The following NIBAN1 variants were observed in gnomAD, a reference collection of about 807,000 sequenced individuals.
NIBAN1 encodes protein Niban 1.
Under a neutral mutation model 75.1 loss-of-function variants are expected in NIBAN1, and 81 were observed. The observed-to-expected ratio is 1.08, with a 90% CI of 0.90 to 1.30. NIBAN1 has a LOEUF of 1.30. Among genes scored for constraint, NIBAN1 ranks in the 50% most tolerant of loss-of-function variants. The probability of loss-of-function intolerance (pLI) is 0.00; values close to 1 mark genes in which losing one functional copy is unlikely to be tolerated. For synonymous variants in NIBAN1, 436 were observed against 424.8 expected, an observed-to-expected ratio of 1.03 and a Z score of -0.32; for missense variants, 1,133 against 1,128.1, an observed-to-expected ratio of 1.00 and a Z score of -0.06.
At chr1:184,922,055 C>A (rs1657568781) in intron 1 of NIBAN1, among the ~76,000 whole-genome samples, 1 of 152,132 alleles carries the variant, frequency 6.6e-6, no homozygotes, top group South Asian at 2.1e-4. Flanking sequence ...ACTCTCCCCA[C>A]AACTACACCC....
chr1:184,872,972 A>T (rs925368426), intron 5 of NIBAN1, among the ~76,000 whole-genome samples: 1 of 152,218 alleles, frequency 6.6e-6, no homozygotes, highest in Non-Finnish European at 1.5e-5. Context: ...TTAGAAAAAA[A>T]TAGGAAAGAA....
At chr1:184,828,231 C>T (rs1266959180) in intron 6 of NIBAN1, among the ~76,000 whole-genome samples, 1 of 152,076 alleles carries the variant, frequency 6.6e-6, no homozygotes, top group Non-Finnish European at 1.5e-5. Context: ...TGAGCACTTG[C>T]CTAAAATAAC....
chr1:184,960,214 C>A (rs1300118543), intron 1 of NIBAN1, among the ~76,000 whole-genome samples: 1 of 152,056 alleles, frequency 6.6e-6, no homozygotes, highest in Non-Finnish European at 1.5e-5. Context: ...TTGAAATGTA[C>A]TGTTTAAATT....
chr1:184,871,891 A>G (rs1656118139), intron 5 of NIBAN1, among the ~76,000 whole-genome samples: 1 of 152,194 alleles, frequency 6.6e-6, no homozygotes, highest in Non-Finnish European at 1.5e-5. Flanking sequence ...GGATGTCCCC[A>G]CAATCTTTAT....
intron 1 of NIBAN1, among the ~76,000 whole-genome samples, chr1:184,935,363 C>T (rs1347877294): frequency 1.3e-5 from 2 of 151,876 alleles, no homozygotes; most frequent in Admixed American, 1.3e-4. Context: ...AATAAAAAAG[C>T]TGGGCACAGT....
Position 184,791,490 on chromosome 1 carries a change from CTT to C in NIBAN1, c.*3485_*3486del, listed in dbSNP as rs35493382. On this transcript the variant is annotated 3_prime_UTR_variant, in exon 14 of 14. Coordinates refer to ENST00000367511, the MANE Select transcript of NIBAN1 (RefSeq NM_052966.4). The stretch of plus-strand genomic sequence containing the variant: ...ATCTTACCCTGGTAGTCTCCAAAAT[CTT>C]TTTTTTTTTTTTTTAAAGAAAGTTT... The C allele has an allele frequency of 3.7e-3, 520 of 141,606 alleles. No individual in the cohort carries two copies. Among genetic ancestry groups the C allele is most frequent in the African/African-American group, 6.7e-3 (260 of 38,582 alleles). 8.8% of individuals were successfully genotyped at this position (141,606 alleles called of 1,614,324 possible). A position where few individuals can be genotyped will look rare whatever the true frequency, so the allele number is the denominator to read the frequency against.
chr1:184,881,054 A>G (rs1656364616), intron 5 of NIBAN1, among the ~76,000 whole-genome samples: 1 of 152,162 alleles, frequency 6.6e-6, no homozygotes, highest in Admixed American at 6.5e-5. Context: ...AAGAGGTGCC[A>G]AAACTAAATA....
At chr1:184,799,785 G>A (rs1160848657) in intron 12 of NIBAN1, among the ~76,000 whole-genome samples, 3 of 70,316 alleles carry the variant, frequency 4.3e-5, no homozygotes, top group Non-Finnish European at 7.0e-5. Flanking sequence ...TCGCTCTGTC[G>A]CCCAGGCTGG....
chr1:184,902,673 C>T (rs984863205), intron 1 of NIBAN1, among the ~76,000 whole-genome samples: 1 of 152,202 alleles, frequency 6.6e-6, no homozygotes, highest in Non-Finnish European at 1.5e-5. Context: ...CAAACAAATA[C>T]AACCTACATT....
At chr1:184,826,459 A>G (rs1654843725) in intron 6 of NIBAN1, among the ~76,000 whole-genome samples, 1 of 152,204 alleles carries the variant, frequency 6.6e-6, no homozygotes, top group Admixed American at 6.5e-5. Context: ...GTAATTAATA[A>G]TCCACCAGCC....
chr1:184,810,609 T>A (rs1221861926), intron 9 of NIBAN1, among the ~76,000 whole-genome samples: 1 of 152,266 alleles, frequency 6.6e-6, no homozygotes, highest in African/African-American at 2.4e-5. Context: ...ATACTTCAAC[T>A]ACTCATAGAC....
At chr1:184,963,933 G>A (rs1658712921) in intron 1 of NIBAN1, among the ~76,000 whole-genome samples, 1 of 152,102 alleles carries the variant, frequency 6.6e-6, no homozygotes, top group Admixed American at 6.5e-5. Flanking sequence ...TACACCTTCT[G>A]ACAATGAGTA....
chr1:184,886,738 A>T (rs1306897747), intron 4 of NIBAN1, among the ~76,000 whole-genome samples: 1 of 152,208 alleles, frequency 6.6e-6, no homozygotes, highest in East Asian at 1.9e-4. Flanking sequence ...GGGAAAGGTA[A>T]GGAAGAAGGT....
At chr1:184,951,354 C>T (rs1187643828) in intron 1 of NIBAN1, among the ~76,000 whole-genome samples, 2 of 152,184 alleles carry the variant, frequency 1.3e-5, no homozygotes, top group Non-Finnish European at 2.9e-5. Flanking sequence ...CATCCATCTG[C>T]TTAGCTGACA....
At chr1:184,834,703 TG>T (rs1295146987) in intron 5 of NIBAN1, among the ~76,000 whole-genome samples, 1 of 152,212 alleles carries the variant, frequency 6.6e-6, no homozygotes, top group African/African-American at 2.4e-5. Flanking sequence ...TTGATGGGGT[TG>T]TTTTTTTTCT....
chr1:184,798,063 A>C lies in NIBAN1; in HGVS notation c.1666+16T>G. 2 of 1,568,618 alleles carry C rather than the reference A, an allele frequency of 1.3e-6. No homozygotes were observed. The highest frequency in any genetic ancestry group is 1.8e-6 in the Non-Finnish European group (2 of 1,140,840). ...CTCTATGGAGTGTCCCTGCAGCACC[A>C]GGTAACCTTTCTTACCTTTCAGAGT... On this transcript the variant is annotated intron_variant, in intron 13 of 13. Transcript: ENST00000367511.
intron 1 of NIBAN1, among the ~76,000 whole-genome samples, chr1:184,951,146 T>G (rs563013706): frequency 3.0e-4 from 46 of 152,314 alleles, no homozygotes; most frequent in African/African-American, 1.1e-3. Context: ...GAGGACCATG[T>G]GCATTAAATA....
At chr1:184,950,234 G>C (rs564993169) in intron 1 of NIBAN1, among the ~76,000 whole-genome samples, 1 of 152,078 alleles carries the variant, frequency 6.6e-6, no homozygotes, top group African/African-American at 2.4e-5. Context: ...TTATCTTAAC[G>C]ATGAACAAGG....
At chr1:184,874,908 TA>T (rs943621361) in intron 5 of NIBAN1, among the ~76,000 whole-genome samples, 52 of 152,246 alleles carry the variant, frequency 3.4e-4, no homozygotes, top group African/African-American at 1.2e-3. Context: ...TGAGCTTTTA[TA>T]AAAATTGACC....
Sources: allele counts gnomAD v4.1 joint callset (sites outside exome capture counted in the v4.1 genomes callset), GRCh38; gene constraint gnomAD v4.1.1; transcripts MANE v1.5; gene names NCBI Gene and HGNC (gene_info 2026-07-23, HGNC 2026-07-21).